Variants in PCDHGA7 observed in about 807,000 individuals in gnomAD.
The protein encoded by PCDHGA7 is protocadherin gamma-A7.
A neutral mutation model predicts 58.3 loss-of-function variants in PCDHGA7; 44 were observed. The ratio of observed to expected loss-of-function variants is 0.75; its 90% CI spans 0.59 to 0.97. PCDHGA7 has a LOEUF of 0.97. Ranked by LOEUF, PCDHGA7 falls within the 50% of genes least tolerant of loss-of-function variation. The pLI is 0.00. For missense variants in PCDHGA7, 1,266 were observed against 1,188.7 expected, an observed-to-expected ratio of 1.06 and a Z score of -0.96; for synonymous variants, 516 against 504.2, an observed-to-expected ratio of 1.02 and a Z score of -0.31.
rs1588962194 is a variant in PCDHGA7, at chr5:141,384,152, A to T, written c.1253A>T (p.Tyr418Phe). The T allele has an allele frequency of 1.2e-6, 2 of 1,613,508 alleles. No individual in the cohort carries two copies. The highest frequency in any genetic ancestry group is 1.7e-6 in the Non-Finnish European group (2 of 1,179,716). Residue 418 changes from tyrosine (Y) to phenylalanine (F), a missense_variant, in exon 1 of 4, where the codon TAT (tyrosine) becomes TTT (phenylalanine). Tyr to Phe is a conservative substitution (Grantham distance 22, BLOSUM62 3). Transcript: ENST00000518325. ...KNLDRETLSL[Y>F]NITLKATDGG... ...TTGGACCGGGAAACACTCTCTTTGT[A>T]TAACATCACACTGAAAGCCACAGAT...
rs1290674122 is a variant in PCDHGA7 at position 141,489,521 on chromosome 5, G to A, written c.2425-5286G>A. 3 of 1,613,988 alleles carry A rather than the reference G, an allele frequency of 1.9e-6. No individual in the cohort carries two copies. The highest frequency in any genetic ancestry group is 2.2e-5 in the East Asian group (1 of 44,886). On this transcript the variant is annotated intron_variant, in intron 1 of 3. Coordinates refer to ENST00000518325, the MANE Select transcript of PCDHGA7 (RefSeq NM_018920.4). This position sits in a 1 kb window ranked among gnomAD's most constrained non-coding sequence, Gnocchi z 4.5. ...GTGAATCAAAAGATTGACCGAGAAAGCCTATGTGGAGCCAGCACCAGCTGC... is the reference window on the plus strand; with the variant it reads ...GTGAATCAAAAGATTGACCGAGAAAACCTATGTGGAGCCAGCACCAGCTGC...
At chr5:141,410,849 CT>C (rs759346998) in intron 1 of PCDHGA7, 9,989 of 137,410 alleles carry the variant, frequency 0.073, 1 homozygote, top group South Asian at 0.15. Context: ...TTGTCTTTGT[CT>C]TTTTTTTTTT....
intron 1 of PCDHGA7, among the ~76,000 whole-genome samples, chr5:141,437,723 G>A (rs2097904411): frequency 6.6e-6 from 1 of 150,736 alleles, no homozygotes; most frequent in South Asian, 2.1e-4. Context: ...ACCCTCTAAT[G>A]TTACACTTTG....
At position 141,394,297 on chromosome 5, in the gene PCDHGA7, C is replaced by T. The variant is rs375160983; in HGVS notation, c.2424+8974C>T. 8.1e-6 allele frequency: 13 copies of T among 1,613,872 alleles called. No homozygotes were observed. Among genetic ancestry groups the T allele is most frequent in the African/African-American group, 1.3e-5 (1 of 74,926 alleles). ...GTCACTTACTCTGTGACCGAGGACA[C>T]GCTGCAGGGGGCGCCCCTGTCCTCG... On this transcript the variant is annotated intron_variant, in intron 1 of 3. Coordinates refer to ENST00000518325, the MANE Select transcript of PCDHGA7 (RefSeq NM_018920.4).
chr5:141,404,758 T>C, intron 1 of PCDHGA7: 1 of 1,613,742 alleles, frequency 6.2e-7, no homozygotes, highest in Non-Finnish European at 8.5e-7. Flanking sequence ...GCCAGAATGC[T>C]TGGCTCTCCT....
chr5:141,422,304 A>C (rs1265775894), intron 1 of PCDHGA7: 2 of 1,548,406 alleles, frequency 1.3e-6, no homozygotes. Context: ...CAATTCTGGA[A>C]AACTCTCCTC....
chr5:141,415,764 T>G lies in PCDHGA7; in HGVS notation c.2424+30441T>G, dbSNP rs1158166352. The G allele has an allele frequency of 5.0e-6, 7 of 1,391,674 alleles. No homozygotes were observed. The African/African-American group carries it at 7.5e-5, about 15-fold the overall frequency. 86.2% of individuals were successfully genotyped at this position (1,391,674 alleles called of 1,614,324 possible). Reference sequence around the variant, plus strand: ...GGTTTTTTTTTTTTTTTTTTTTTTTTTTTTTTTTACTTTCTGGTAAAATTC... The same window carrying G: ...GGTTTTTTTTTTTTTTTTTTTTTTTGTTTTTTTTACTTTCTGGTAAAATTC... On this transcript the variant is annotated intron_variant, in intron 1 of 3. Coordinates refer to ENST00000518325, the MANE Select transcript of PCDHGA7 (RefSeq NM_018920.4).
intron 1 of PCDHGA7, among the ~76,000 whole-genome samples, chr5:141,430,204 AATT>A (rs1179966513): frequency 6.6e-6 from 1 of 151,962 alleles, no homozygotes; most frequent in African/African-American, 2.4e-5. Context: ...AGAAAGTTTA[AATT>A]ATTATATTAT....
At chr5:141,419,371 C>T (rs751971270) in intron 1 of PCDHGA7, 4 of 1,613,662 alleles carry the variant, frequency 2.5e-6, no homozygotes, top group Non-Finnish European at 8.5e-7. Flanking sequence ...TGTCGTCCTA[C>T]GTGTCCGTGA....
intron 1 of PCDHGA7, among the ~76,000 whole-genome samples, chr5:141,481,886 C>T (rs575190135): frequency 6.9e-6 from 1 of 145,360 alleles, no homozygotes; most frequent in South Asian, 2.2e-4. Context: ...TGCACTCCAG[C>T]CTGGGTGAAA....
At chr5:141,468,758 C>G (rs929005462) in intron 1 of PCDHGA7, among the ~76,000 whole-genome samples, 1 of 151,802 alleles carries the variant, frequency 6.6e-6, no homozygotes, top group Admixed American at 6.6e-5. Context: ...CCCAGCTACT[C>G]GGGAGGCTGA....
At chr5:141,410,117 C>T (rs768592770) in intron 1 of PCDHGA7, 6 of 1,612,766 alleles carry the variant, frequency 3.7e-6, no homozygotes, top group Admixed American at 3.3e-5. Context: ...GGACGCAGCC[C>T]GCCAGCGCCT....
chr5:141,511,374 CA>C lies in PCDHGA7; in HGVS notation c.*202del. ...CCCCAGGGGGTTGAATATGCAAAAG[CA>C]GTTCCGCTGGGAACCCCCATCCAAT... On this transcript the variant is annotated 3_prime_UTR_variant, in exon 4 of 4. Coordinates refer to ENST00000518325, the MANE Select transcript of PCDHGA7 (RefSeq NM_018920.4). The C allele has an allele frequency of 8.0e-7, 1 of 1,242,392 alleles. No individual in the cohort carries two copies. 77.0% of individuals were successfully genotyped at this position (1,242,392 alleles called of 1,614,324 possible).
intron 1 of PCDHGA7, chr5:141,402,901 T>C: frequency 1.3e-6 from 2 of 1,520,230 alleles, no homozygotes; most frequent in Non-Finnish European, 1.8e-6. Flanking sequence ...AAGAACCTGA[T>C]GAAGCAGCGC....
chr5:141,505,320 C>G, intron 2 of PCDHGA7, 73 bp from the exon 3 acceptor site: 2 of 1,605,358 alleles, frequency 1.2e-6, no homozygotes, highest in Non-Finnish European at 1.7e-6. Context: ...TTTGGGAGCC[C>G]TGGGAGAGGA....
chr5:141,466,933 C>A (rs1305734739), intron 1 of PCDHGA7, among the ~76,000 whole-genome samples: 1 of 152,100 alleles, frequency 6.6e-6, no homozygotes, highest in Non-Finnish European at 1.5e-5. Context: ...GAATATTAGT[C>A]CTTTGTCCAG....
At chr5:141,501,409 A>G (rs1358547245) in intron 2 of PCDHGA7, among the ~76,000 whole-genome samples, 1 of 151,978 alleles carries the variant, frequency 6.6e-6, no homozygotes, top group African/African-American at 2.4e-5. Context: ...ACTGCTTGGA[A>G]AATAGTTGAC....
At position 141,490,551 on chromosome 5, in the gene PCDHGA7, T is replaced by A; in HGVS notation, c.2425-4256T>A. On this transcript the variant is annotated intron_variant, in intron 1 of 3. Coordinates refer to ENST00000518325, the MANE Select transcript of PCDHGA7 (RefSeq NM_018920.4). This position sits in a 1 kb window ranked among gnomAD's most constrained non-coding sequence, Gnocchi z 5.4. ...CTGGTTCACCTTCCCTACACAAACA[T>A]CTCACCATCAGGCTCAACATTTCAG... is the stretch of plus-strand genomic sequence containing the variant. 1 of 1,614,088 alleles carries A rather than the reference T, an allele frequency of 6.2e-7. No individual in the cohort carries two copies. Among genetic ancestry groups the A allele is most frequent in the East Asian group, 2.2e-5 (1 of 44,874 alleles).
Position 141,399,283 on chromosome 5 carries a change from G to T in PCDHGA7, c.2424+13960G>T, listed in dbSNP as rs533695738. ...GGTTAATTGTCAATTACAAGGCGAA[G>T]TCCCTTTTAAGATTATCTCTTCATC... On this transcript the variant is annotated intron_variant, in intron 1 of 3. Coordinates refer to ENST00000518325, the MANE Select transcript of PCDHGA7 (RefSeq NM_018920.4). The T allele has an allele frequency of 5.0e-6, 8 of 1,613,888 alleles. No individual in the cohort carries two copies. The South Asian group carries it at 7.7e-5, about 16-fold the overall frequency.
Sources: gnomAD v4.1 joint callset for allele counts (sites outside exome capture counted in the v4.1 genomes callset) on GRCh38, gnomAD v4.1.1 for gene constraint, Gnocchi (gnomAD v3.1) non-coding constraint, MANE v1.5 for transcripts, NCBI Gene and HGNC (gene_info 2026-07-23, HGNC 2026-07-21) for gene names.